The following PREP variants were observed in gnomAD, a reference collection of about 807,000 sequenced individuals.
PREP encodes the protein prolyl endopeptidase.
In PREP, 29 loss-of-function variants were observed where a neutral mutation model predicts 87.6. The ratio of observed to expected loss-of-function variants is 0.33; its 90% CI spans 0.25 to 0.45. The LOEUF is 0.45. Ranked by LOEUF, PREP falls within the 20% of genes least tolerant of loss-of-function variation. The pLI is 1.00. For synonymous variants in PREP, 337 were observed against 328.6 expected (o/e 1.03, Z -0.28); for missense variants, 695 against 886.5 (o/e 0.78, Z 2.74).
At chr6:105,333,251 A>G (rs917890388) in intron 8 of PREP, 63 bp downstream of exon 8, 3 of 1,463,612 alleles carry the variant, frequency 2.0e-6, no homozygotes, top group Non-Finnish European at 1.9e-6. Flanking sequence ...TGAGAGACGC[A>G]CTAACTTGTT....
chr6:105,372,208 GA>G lies in PREP; in HGVS notation c.595+1160del, dbSNP rs879759218. Among the ~76,000 whole-genome samples, 228 of 143,434 alleles carry G rather than the reference GA, an allele frequency of 1.6e-3. 1 individual carries two copies. Among genetic ancestry groups the G allele is most frequent in the Middle Eastern group, 0.011 (3 of 278 alleles). 94.1% of individuals were successfully genotyped at this position (143,434 alleles called of 152,430 possible). Reference sequence around the variant, plus strand: ...CCTTATTCTCAATTCAATTGTGGGGGAAAAAAAAAAACAGAAAAGAAAGCAA... The same window carrying G: ...CCTTATTCTCAATTCAATTGTGGGGGAAAAAAAAAACAGAAAAGAAAGCAA... On this transcript the variant is annotated intron_variant, in intron 5 of 14. Coordinates refer to ENST00000652536, the MANE Select transcript of PREP (RefSeq NM_002726.5).
intron 10 of PREP, among the ~76,000 whole-genome samples, chr6:105,290,536 C>G (rs760237601): frequency 6.6e-5 from 10 of 152,210 alleles, no homozygotes; most frequent in Non-Finnish European, 1.0e-4. Flanking sequence ...CCCTGATCTT[C>G]ATGCAGCCAG....
At position 105,364,627 on chromosome 6, in the gene PREP, C is replaced by T. The variant is rs1772338694; in HGVS notation, c.717+4276G>A. Among the ~76,000 whole-genome samples the T allele has an allele frequency of 3.3e-5, 5 of 152,302 alleles. No individual in the cohort carries two copies. In the South Asian group the frequency reaches 1.0e-3, roughly 32 times the overall value. On this transcript the variant is annotated intron_variant, in intron 6 of 14. Coordinates refer to ENST00000652536, the MANE Select transcript of PREP (RefSeq NM_002726.5). ...CCCTGTGTCCTGCTTCTCTCACACC[C>T]AGCAGCTAAGTTCTCTCCCAGGAGG...
chr6:105,285,919 G>T (rs1452797874), intron 11 of PREP, among the ~76,000 whole-genome samples: 1 of 152,128 alleles, frequency 6.6e-6, no homozygotes, highest in Admixed American at 6.5e-5. Context: ...GGAATTACAG[G>T]TGTGCGCCAC....
At chr6:105,325,219 A>G (rs1379991041) in intron 9 of PREP, among the ~76,000 whole-genome samples, 1 of 152,138 alleles carries the variant, frequency 6.6e-6, no homozygotes, top group Non-Finnish European at 1.5e-5. Flanking sequence ...ATAAATAATC[A>G]AACAACAACA....
intron 12 of PREP, among the ~76,000 whole-genome samples, chr6:105,284,916 A>ATGAT (rs2114613045): frequency 6.6e-6 from 1 of 152,362 alleles, no homozygotes; most frequent in African/African-American, 2.4e-5. Flanking sequence ...AACTAGAAAA[A>ATGAT]TGATTGTTTT....
intron 10 of PREP, among the ~76,000 whole-genome samples, chr6:105,313,641 C>T (rs1770803400): frequency 6.6e-6 from 1 of 152,182 alleles, no homozygotes; most frequent in Admixed American, 6.5e-5. Flanking sequence ...ACAGATGTAA[C>T]CCTGCAGGTA....
At chr6:105,345,127 C>A (rs553113494) in intron 7 of PREP, among the ~76,000 whole-genome samples, 1 of 152,302 alleles carries the variant, frequency 6.6e-6, no homozygotes, top group Admixed American at 6.5e-5. Context: ...AGAAATAAAT[C>A]AAGAGAAAAG....
chr6:105,282,430 T>C, intron 13 of PREP, 21 bp downstream of exon 13: 1 of 1,606,678 alleles, frequency 6.2e-7, no homozygotes, highest in Non-Finnish European at 8.5e-7. Context: ...GTAAGTGCAA[T>C]GAATAAAATC....
intron 10 of PREP, among the ~76,000 whole-genome samples, chr6:105,315,689 T>C (rs1297397026): frequency 6.6e-6 from 1 of 152,230 alleles, no homozygotes; most frequent in African/African-American, 2.4e-5. Context: ...GTTCTGCCTA[T>C]ATTGAAAATG....
At chr6:105,379,304 A>T (rs1019892934) in intron 2 of PREP, among the ~76,000 whole-genome samples, 1 of 152,212 alleles carries the variant, frequency 6.6e-6, no homozygotes, top group Non-Finnish European at 1.5e-5. Context: ...TGCAACATTT[A>T]AAATATTTAC....
chr6:105,331,309 C>T lies in PREP; in HGVS notation c.1015+2005G>A, dbSNP rs994337328. On this transcript the variant is annotated intron_variant, in intron 8 of 14. Transcript: ENST00000652536. ...CAGAAGGAAGGTTATACAAATATAT[C>T]ACCCCCCCAACAAAATCTCCTAGCA... 2.3e-4 allele frequency among the ~76,000 whole-genome samples: 35 copies of T among 152,194 alleles called. No individual in the cohort carries two copies. In the South Asian group the frequency reaches 6.8e-3, roughly 30 times the overall value.
At position 105,277,904 on chromosome 6, in the gene PREP, A is replaced by T. The variant is rs1460959578; in HGVS notation, c.*240T>A. On this transcript the variant is annotated 3_prime_UTR_variant, in exon 15 of 15. Coordinates refer to ENST00000652536, the MANE Select transcript of PREP (RefSeq NM_002726.5). ...TAGCTATTTATCCCAACATGCCCTT[A>T]AAAAAAACACCAAAAAACCACATGT... The T allele has an allele frequency of 9.3e-6, 5 of 538,852 alleles. No homozygotes were observed. Among genetic ancestry groups the T allele is most frequent in the South Asian group, 5.1e-5 (2 of 39,598 alleles). The allele number at this position is 538,852 out of a possible 1,614,324, so 33.4% of individuals were successfully genotyped here.
chr6:105,366,773 C>T (rs144995106), intron 6 of PREP, among the ~76,000 whole-genome samples: 109 of 152,316 alleles, frequency 7.2e-4, no homozygotes, highest in Non-Finnish European at 1.2e-3. Flanking sequence ...AACCGACACA[C>T]GCTACAAGAT....
intron 10 of PREP, among the ~76,000 whole-genome samples, chr6:105,309,443 G>A (rs978427783): frequency 2.0e-5 from 3 of 152,070 alleles, no homozygotes; most frequent in Admixed American, 6.6e-5. Context: ...TCTGCCACCC[G>A]GGTTCAAGCA....
rs759543402 is a variant in PREP at position 105,285,517 on chromosome 6, T to A, written c.1518A>T (p.Gly506=). The A allele has an allele frequency of 3.7e-6, 6 of 1,613,894 alleles. No individual in the cohort carries two copies. In the African/African-American group the frequency reaches 8.0e-5, roughly 22 times the overall value. Residue 506 remains glycine (G), a synonymous_variant, in exon 12 of 15, where the codon GGA becomes GGT. Transcript: ENST00000652536. ...GCCACGTCTCTCCATATTCGCCACC[T>A]CCTCTGATGTTGGCCACTGCCAGGA... ...GGILAVANIR[G]GGEYGETWHK...
chr6:105,402,972 G>T lies in PREP; in HGVS notation c.-81C>A. On this transcript the variant is annotated 5_prime_UTR_variant, in exon 1 of 15. Coordinates refer to ENST00000652536, the MANE Select transcript of PREP (RefSeq NM_002726.5). ...GAGCTAGCCGGGCTGGCCGCGAGGC[G>T]CGGCTGGGGCGCAGGCAGCTGCGGG... 1.4e-6 allele frequency: 1 copy of T among 711,458 alleles called. No individual in the cohort carries two copies. The highest frequency in any genetic ancestry group is 2.0e-6 in the Non-Finnish European group (1 of 506,618). 44.1% of individuals were successfully genotyped at this position (711,458 alleles called of 1,614,324 possible). A position where few individuals can be genotyped will look rare whatever the true frequency, so the allele number is the denominator to read the frequency against.
intron 8 of PREP, among the ~76,000 whole-genome samples, chr6:105,329,882 TGA>T (rs1004209079): frequency 1.3e-5 from 2 of 152,096 alleles, no homozygotes; most frequent in African/African-American, 4.8e-5. Flanking sequence ...AGGGCTGAAT[TGA>T]GTCTCAAGTG....
Position 105,311,466 on chromosome 6 carries a change from C to T in PREP, c.1317+12199G>A, listed in dbSNP as rs572468615. On this transcript the variant is annotated intron_variant, in intron 10 of 14. Transcript: ENST00000652536. ...CCCCCATTTTCACTTGGTTAGCTCC[C>T]GCTGAGCCTTTAGGTTTCAAGTGAA... Among the ~76,000 whole-genome samples the T allele has an allele frequency of 9.2e-5, 14 of 152,298 alleles. No individual in the cohort carries two copies. The East Asian group carries it at 9.7e-4, about 11-fold the overall frequency.
Sources: gnomAD v4.1 joint callset for allele counts (sites outside exome capture counted in the v4.1 genomes callset) on GRCh38, gnomAD v4.1.1 for gene constraint, MANE v1.5 for transcripts, NCBI Gene and HGNC (gene_info 2026-07-23, HGNC 2026-07-21) for gene names.